Variants in ITCH observed in about 807,000 individuals in gnomAD.
The protein encoded by ITCH is itchy E3 ubiquitin protein ligase, also known as E3 ubiquitin-protein ligase Itchy homolog.
ITCH carries 28 observed loss-of-function variants against 126.8 expected under a neutral mutation model. The observed-to-expected ratio is 0.22, with a 90% CI of 0.16 to 0.30. The LOEUF (loss-of-function observed/expected upper bound fraction) is 0.30. ITCH is among the 10% of genes least tolerant of loss of function. The pLI is 1.00. For missense variants in ITCH, 631 were observed against 1,032.4 expected (o/e 0.61, Z 5.33); for synonymous variants, 342 against 340.0 (o/e 1.01, Z -0.06).
chr20:34,394,577 C>T (rs944274155), intron 3 of ITCH, among the ~76,000 whole-genome samples: 6 of 152,128 alleles, frequency 3.9e-5, no homozygotes, highest in African/African-American at 1.2e-4. Flanking sequence ...GAGATGGGGT[C>T]TCACTATAAT....
At chr20:34,496,404 C>T (rs1989885105) in intron 23 of ITCH, among the ~76,000 whole-genome samples, 1 of 152,222 alleles carries the variant, frequency 6.6e-6, no homozygotes, top group African/African-American at 2.4e-5. Context: ...ATTGTCTCTA[C>T]ACTGTGTTGA....
chr20:34,404,932 A>G (rs1489550533), intron 3 of ITCH, among the ~76,000 whole-genome samples: 1 of 151,762 alleles, frequency 6.6e-6, no homozygotes, highest in Non-Finnish European at 1.5e-5. Flanking sequence ...CCAGGAGTAC[A>G]AGACCAACTT....
At position 34,507,909 on chromosome 20, in the gene ITCH, G is replaced by T; in HGVS notation, c.*115G>T. The T allele has an allele frequency of 1.3e-6, 1 of 752,648 alleles. No individual in the cohort carries two copies. Among genetic ancestry groups the T allele is most frequent in the Non-Finnish European group, 2.4e-6 (1 of 423,878 alleles). The allele number at this position is 752,648 out of a possible 1,614,324, so 46.6% of individuals were successfully genotyped here. ...TGGCTCTTTAGAGAGTTATCTGAGT[G>T]TAAGTAAATTAATGTTCTCATTTAG... On this transcript the variant is annotated 3_prime_UTR_variant, in exon 25 of 25. Transcript: ENST00000374864.
chr20:34,476,517 T>G (rs1988248054), intron 16 of ITCH: 1 of 1,115,802 alleles, frequency 9.0e-7, no homozygotes, highest in Non-Finnish European at 1.1e-6. Context: ...TAAAGATAGT[T>G]TTAACCTTGT....
intron 6 of ITCH, among the ~76,000 whole-genome samples, chr20:34,416,950 C>T (rs1979950815): frequency 6.8e-6 from 1 of 147,268 alleles, no homozygotes; most frequent in African/African-American, 2.5e-5. Flanking sequence ...GCTCTTGTCA[C>T]CCAGGCTGGA....
chr20:34,375,886 T>TA (rs201436672), intron 2 of ITCH, among the ~76,000 whole-genome samples: 33 of 148,270 alleles, frequency 2.2e-4, no homozygotes, highest in African/African-American at 6.9e-4. Flanking sequence ...TTCAGAAGGT[T>TA]AAAAAAAAAA....
intron 2 of ITCH, among the ~76,000 whole-genome samples, chr20:34,383,675 A>G (rs1360230829): frequency 6.6e-6 from 1 of 150,512 alleles, no homozygotes; most frequent in Admixed American, 6.7e-5. Context: ...CCTGGCTGAT[A>G]TATATATGTG....
chr20:34,404,863 GTGGCT>G (rs1448788189), intron 3 of ITCH, among the ~76,000 whole-genome samples: 1 of 152,088 alleles, frequency 6.6e-6, no homozygotes, highest in Non-Finnish European at 1.5e-5. Context: ...GCCAGGCCTG[GTGGCT>G]CATGCCTGTA....
At chr20:34,419,053 G>A (rs1356097664) in intron 6 of ITCH, among the ~76,000 whole-genome samples, 2 of 152,114 alleles carry the variant, frequency 1.3e-5, no homozygotes, top group African/African-American at 4.8e-5. Context: ...ATGAGCCACC[G>A]CGCCCAGCTG....
chr20:34,408,520 TG>T (rs1978479733), intron 3 of ITCH, 130 bp from the exon 4 acceptor site: 1 of 790,574 alleles, frequency 1.3e-6, no homozygotes, highest in African/African-American at 1.7e-5. Context: ...TGAATAAAAT[TG>T]GTAAGTATTT....
chr20:34,445,136 A>G (rs2146305148), intron 10 of ITCH, 151 bp from the exon 11 acceptor site: 2 of 891,260 alleles, frequency 2.2e-6, no homozygotes, highest in Non-Finnish European at 3.3e-6. Context: ...AAATTTTTAG[A>G]AACATTTCTC....
At chr20:34,490,016 T>G in intron 22 of ITCH, 90 bp downstream of exon 22, 1 of 856,272 alleles carries the variant, frequency 1.2e-6, no homozygotes, top group South Asian at 1.4e-5. Context: ...CAGGTCAAAA[T>G]GTACCAGTGT....
intron 14 of ITCH, among the ~76,000 whole-genome samples, chr20:34,464,015 C>G (rs1986786383): frequency 6.6e-6 from 1 of 152,046 alleles, no homozygotes; most frequent in African/African-American, 2.4e-5. Context: ...CTCTCTGTCA[C>G]CCAGGCTGGA....
At chr20:34,409,024 T>A (rs79650492) in intron 4 of ITCH, among the ~76,000 whole-genome samples, 6,810 of 151,536 alleles carry the variant, frequency 0.045, 341 homozygotes, top group South Asian at 0.25. Context: ...TAGTTGGTGA[T>A]GATATTGCTC....
intron 23 of ITCH, among the ~76,000 whole-genome samples, chr20:34,495,921 TAAAAAAAAA>T (rs35357680): frequency 3.8e-4 from 19 of 49,964 alleles, no homozygotes; most frequent in African/African-American, 1.0e-3. Flanking sequence ...CTGAAAATAC[TAAAAAAAAA>T]AAAAAAAAAA....
chr20:34,493,101 C>A (rs530960563), intron 23 of ITCH, among the ~76,000 whole-genome samples: 143 of 152,308 alleles, frequency 9.4e-4, no homozygotes, highest in African/African-American at 3.2e-3. Flanking sequence ...AGATGAATGA[C>A]TATGGCAATA....
At chr20:34,434,958 T>A (rs915151139) in intron 7 of ITCH, among the ~76,000 whole-genome samples, 4 of 152,188 alleles carry the variant, frequency 2.6e-5, no homozygotes, top group Admixed American at 6.5e-5. Flanking sequence ...TTTAATTTTT[T>A]TCTATCTTTT....
chr20:34,506,750 G>A (rs1228628145), intron 24 of ITCH, among the ~76,000 whole-genome samples: 1 of 152,096 alleles, frequency 6.6e-6, no homozygotes, highest in African/African-American at 2.4e-5. Flanking sequence ...CCTTTCCCCA[G>A]GTCCTGGCAA....
intron 22 of ITCH, among the ~76,000 whole-genome samples, chr20:34,490,506 G>T (rs994183625): frequency 1.3e-5 from 2 of 152,130 alleles, no homozygotes; most frequent in Non-Finnish European, 2.9e-5. Context: ...AGCCGGGCAT[G>T]GTGGCACATG....
Sources: allele counts gnomAD v4.1 joint callset (sites outside exome capture counted in the v4.1 genomes callset), GRCh38; gene constraint gnomAD v4.1.1; transcripts MANE v1.5; gene names NCBI Gene and HGNC (gene_info 2026-07-23, HGNC 2026-07-21).